IQSEC3: variants seen among roughly 807,000 people sequenced by gnomAD.
The protein encoded by IQSEC3 is IQ motif and SEC7 domain-containing protein 3.
A neutral mutation model predicts 105.4 loss-of-function variants in IQSEC3; 50 were observed. The ratio of observed to expected loss-of-function variants is 0.47; its 90% CI spans 0.38 to 0.60. The LOEUF (loss-of-function observed/expected upper bound fraction) is 0.60, where lower values mean the gene tolerates loss of function less well. Among genes scored for constraint, IQSEC3 ranks in the 20% least tolerant of loss-of-function variants. The pLI, the probability that IQSEC3 is intolerant of heterozygous loss-of-function variation, is 0.00. For synonymous variants in IQSEC3, 708 were observed against 746.0 expected (o/e 0.95, Z 0.83); for missense variants, 1,415 against 1,630.0 (o/e 0.87, Z 2.27).
intron 1 of IQSEC3, among the ~76,000 whole-genome samples, chr12:79,923 T>A (rs1375651995): frequency 2.6e-5 from 4 of 152,216 alleles, no homozygotes; most frequent in African/African-American, 9.6e-5. Context: ...GTATCCTATA[T>A]GCTGTTCTGC....
chr12:101,471 T>C (rs1335016849), intron 2 of IQSEC3, among the ~76,000 whole-genome samples: 5 of 152,086 alleles, frequency 3.3e-5, no homozygotes, highest in Non-Finnish European at 1.5e-5. Context: ...GGCTTTGAGG[T>C]TGGGGACAGG....
At chr12:105,791 C>T (rs1864628906) in intron 2 of IQSEC3, among the ~76,000 whole-genome samples, 1 of 152,204 alleles carries the variant, frequency 6.6e-6, no homozygotes, top group Non-Finnish European at 1.5e-5. Context: ...GGATGTGAAA[C>T]TCCTGTTTGG....
At chr12:124,909 G>A (rs1555082745) in intron 2 of IQSEC3, among the ~76,000 whole-genome samples, 2 of 152,166 alleles carry the variant, frequency 1.3e-5, no homozygotes, top group Non-Finnish European at 2.9e-5. Context: ...TGTGGCTCCC[G>A]GGGAACAGAG....
intron 1 of IQSEC3, among the ~76,000 whole-genome samples, chr12:68,388 G>C (rs1863181417): frequency 6.6e-6 from 1 of 152,178 alleles, no homozygotes; most frequent in South Asian, 2.1e-4. Flanking sequence ...CCGGTTATCT[G>C]GTGATCACTG....
intron 1 of IQSEC3, among the ~76,000 whole-genome samples, chr12:81,741 G>T (rs193177350): frequency 6.6e-6 from 1 of 152,130 alleles, no homozygotes; most frequent in South Asian, 2.1e-4. Context: ...CCTTGAGACT[G>T]GGCCACGCCA....
chr12:155,215 C>G lies in IQSEC3; in HGVS notation c.2154-1810C>G, dbSNP rs1866645214. On this transcript the variant is annotated intron_variant, in intron 5 of 13. Coordinates refer to ENST00000538872, the MANE Select transcript of IQSEC3 (RefSeq NM_001170738.2). ...AGAGCAGCCTCTCGCCTGGCTGGCT[C>G]TGGAGGCCCCTGTTCCCCAGCCGTC... Among the ~76,000 whole-genome samples the G allele has an allele frequency of 2.0e-5, 3 of 152,210 alleles. No individual in the cohort carries two copies. In the South Asian group the frequency reaches 6.2e-4, roughly 32 times the overall value.
intron 3 of IQSEC3, among the ~76,000 whole-genome samples, chr12:136,228 TGGG>T (rs1186011153): frequency 1.3e-5 from 2 of 151,684 alleles, no homozygotes; most frequent in East Asian, 3.9e-4. Context: ...AGTTGGATGT[TGGG>T]GGAGACAGAA....
At chr12:113,684 A>G (rs1864964479) in intron 2 of IQSEC3, among the ~76,000 whole-genome samples, 2 of 152,218 alleles carry the variant, frequency 1.3e-5, no homozygotes, top group South Asian at 4.1e-4. Context: ...GACATATCAT[A>G]TTAGTATGAA....
Position 174,637 on chromosome 12 carries a change from C to A in IQSEC3, c.3153C>A (p.Asn1051Lys). 1.3e-6 allele frequency: 2 copies of A among 1,577,066 alleles called. No individual in the cohort carries two copies. The highest frequency in any genetic ancestry group is 1.8e-5 in the Admixed American group (1 of 56,708). ...IHNRLQTSQH[N>K]SGLGAERGAP... The stretch of plus-strand genomic sequence containing the variant: ...ACAGGCTTCAAACGTCCCAGCACAA[C>A]TCCGGGCTGGGGGCCGAGAGGGGAG... The change falls in exon 14 of 14, where the codon AAC (asparagine) becomes AAA (lysine). Residue 1051 changes from asparagine (N) to lysine (K), a missense_variant. Physicochemically the swap from Asn to Lys is moderately conservative, Grantham distance 94. Around this residue, in one of 6 missense-constraint regions of IQSEC3, gnomAD observed 419 missense variants for 436.2 expected, o/e 0.96. Transcript: ENST00000538872.
At chr12:163,762 T>C in intron 9 of IQSEC3, 143 bp downstream of exon 9, 1 of 703,634 alleles carries the variant, frequency 1.4e-6, no homozygotes, top group South Asian at 1.8e-5. Flanking sequence ...CGGATCTGCC[T>C]TCATGGTGCT....
chr12:165,371 G>C, intron 9 of IQSEC3, 63 bp from the exon 10 acceptor site: 1 of 1,257,954 alleles, frequency 7.9e-7, no homozygotes, highest in Non-Finnish European at 1.2e-6. Flanking sequence ...CCGGGTGTTT[G>C]TGCATCCATG....
rs4980857 is a variant in IQSEC3 at position 158,888 on chromosome 12, A to G, written c.2443+1194A>G. Among the ~76,000 whole-genome samples, 346 of 152,232 alleles carry G rather than the reference A, an allele frequency of 2.3e-3. 1 individual carries two copies. Among genetic ancestry groups the G allele is most frequent in the Non-Finnish European group, 3.8e-3 (256 of 68,010 alleles). On this transcript the variant is annotated intron_variant, in intron 7 of 13. Transcript: ENST00000538872. ...TGAACAGACTGGTTTTGAACTCCCA[A>G]CCTCAGGTGATCCGCCTGCCTCAGC...
chr12:101,108 G>A (rs1217462423), intron 2 of IQSEC3, among the ~76,000 whole-genome samples: 1 of 152,208 alleles, frequency 6.6e-6, no homozygotes, highest in Non-Finnish European at 1.5e-5. Context: ...AGAAGCCCAG[G>A]CCTGGCAGGG....
At chr12:123,420 G>A (rs1865281809) in intron 2 of IQSEC3, among the ~76,000 whole-genome samples, 1 of 152,142 alleles carries the variant, frequency 6.6e-6, no homozygotes, top group Admixed American at 6.5e-5. Flanking sequence ...CAGCCTGGGT[G>A]AGTGAGACAC....
At position 138,429 on chromosome 12, in the gene IQSEC3, G is replaced by A; in HGVS notation, c.1066G>A (p.Val356Met). Residue 356 changes from valine to methionine, a missense_variant, in exon 4 of 14, where the codon GTG becomes ATG. Physicochemically the swap from Val to Met is conservative, Grantham distance 21. Coordinates refer to ENST00000538872, the MANE Select transcript of IQSEC3 (RefSeq NM_001170738.2). The surrounding 1 kb of genome is among the most constrained non-coding windows in gnomAD (Gnocchi z 7.1). ...GCCACGGCGGATCTCCCTGCGCAAG[G>A]TGCGGTCACCCACGGCCGAGAGCCT... ...RLPRRISLRK[V>M]RSPTAESLAA... is the part of the protein sequence containing the mutation. The A allele has an allele frequency of 6.2e-7, 1 of 1,607,658 alleles. No individual in the cohort carries two copies. The highest frequency in any genetic ancestry group is 8.5e-7 in the Non-Finnish European group (1 of 1,179,692).
At chr12:93,665 G>C (rs1864160808) in intron 1 of IQSEC3, among the ~76,000 whole-genome samples, 1 of 152,208 alleles carries the variant, frequency 6.6e-6, no homozygotes, top group African/African-American at 2.4e-5. Flanking sequence ...TTCTTGATGT[G>C]AATGTTTTCT....
At position 152,378 on chromosome 12, in the gene IQSEC3, C is replaced by T. The variant is rs569404501; in HGVS notation, c.2154-4647C>T. Among the ~76,000 whole-genome samples, 6 of 152,300 alleles carry T rather than the reference C, an allele frequency of 3.9e-5. No individual in the cohort carries two copies. In the South Asian group the frequency reaches 1.2e-3, roughly 32 times the overall value. ...CCCCACCAAGCCATCTGGGTAAGAT[C>T]ACAGCCCCTAGGAAGACATGCATTA... On this transcript the variant is annotated intron_variant, in intron 5 of 13. Coordinates refer to ENST00000538872, the MANE Select transcript of IQSEC3 (RefSeq NM_001170738.2). This position sits in a 1 kb window ranked among gnomAD's most constrained non-coding sequence, Gnocchi z 4.8.
chr12:110,184 T>C (rs1555079183), intron 2 of IQSEC3, among the ~76,000 whole-genome samples: 2 of 152,176 alleles, frequency 1.3e-5, no homozygotes, highest in African/African-American at 4.8e-5. Context: ...CCTTTTCCAG[T>C]TTCTCTTTTC....
chr12:111,579 G>A (rs1864888441), intron 2 of IQSEC3: 2 of 152,144 alleles, frequency 1.3e-5, no homozygotes, highest in Non-Finnish European at 1.5e-5. Context: ...CTCCGAAAAT[G>A]CACAACTACC....
Sources: gnomAD v4.1 joint callset for allele counts (sites outside exome capture counted in the v4.1 genomes callset) on GRCh38, gnomAD v4.1.1 for gene constraint, gnomAD v4.1.1 regional missense constraint, Gnocchi (gnomAD v3.1) non-coding constraint, MANE v1.5 for transcripts, NCBI Gene and HGNC (gene_info 2026-07-23, HGNC 2026-07-21) for gene names.